ARHGEF3: variants seen among roughly 807,000 people sequenced by gnomAD.
The protein encoded by ARHGEF3 is Rho guanine nucleotide exchange factor 3, also known as 59.8 kDA protein.
In ARHGEF3, 28 loss-of-function variants were observed where a neutral mutation model predicts 63.2. That is an observed-to-expected ratio of 0.44 (90% confidence interval 0.33 to 0.61). The LOEUF (loss-of-function observed/expected upper bound fraction) is 0.61, where lower values mean the gene tolerates loss of function less well. Among genes scored for constraint, ARHGEF3 ranks in the 20% least tolerant of loss-of-function variants. ARHGEF3 has a pLI of 0.03. For synonymous variants in ARHGEF3, 266 were observed against 254.2 expected (o/e 1.05, Z -0.44); for missense variants, 533 against 659.3 (o/e 0.81, Z 2.10).
At chr3:57,014,626 ATTAACAG>A (rs1702899663) in intron 2 of ARHGEF3, among the ~76,000 whole-genome samples, 1 of 152,314 alleles carries the variant, frequency 6.6e-6, no homozygotes, top group Middle Eastern at 3.4e-3. Context: ...CAATAAACAG[ATTAACAG>A]TTAACATAGA....
In ARHGEF3 at chr3:56,943,808, G is replaced by A. The variant is rs898170138; in HGVS notation, c.129+15015C>T. Among the ~76,000 whole-genome samples, 20 of 151,994 alleles carry A rather than the reference G, an allele frequency of 1.3e-4. No individual in the cohort carries two copies. The East Asian group carries it at 2.7e-3, about 21-fold the overall frequency. On this transcript the variant is annotated intron_variant, in intron 3 of 12. Coordinates refer to the ARHGEF3 transcript ENST00000338458. ...TGGGTGCCTGTAATCCCAGCTACTC[G>A]GGAGGCTGAGGCAGGAGAATCACTT... is the stretch of plus-strand genomic sequence containing the variant.
intron 2 of ARHGEF3, 84 bp from the exon 3 acceptor site, chr3:56,755,235 C>T: frequency 7.1e-7 from 1 of 1,412,600 alleles, no homozygotes; most frequent in East Asian, 2.3e-5. Flanking sequence ...GTTGACGGAA[C>T]ATAAATCATA....
At chr3:56,871,224 T>G (rs2040422529) in intron 4 of ARHGEF3, among the ~76,000 whole-genome samples, 1 of 152,192 alleles carries the variant, frequency 6.6e-6, no homozygotes, top group African/African-American at 2.4e-5. Flanking sequence ...AAATATTCAC[T>G]TTATATTTTA....
chr3:57,050,768 G>C (rs567530967), intron 1 of ARHGEF3, among the ~76,000 whole-genome samples: 2 of 152,178 alleles, frequency 1.3e-5, no homozygotes, highest in Non-Finnish European at 2.9e-5. Context: ...GGAGTAACAC[G>C]ATCAACTTCA....
intron 2 of ARHGEF3, among the ~76,000 whole-genome samples, chr3:56,967,082 C>T (rs1414254632): frequency 2.0e-5 from 3 of 148,514 alleles, no homozygotes; most frequent in Admixed American, 6.8e-5. Context: ...AGGTTGGTCT[C>T]GAACTCCCGA....
chr3:57,074,356 CCACCA>C, intron 1 of ARHGEF3: 1 of 1,200,410 alleles, frequency 8.3e-7, no homozygotes, highest in Non-Finnish European at 1.2e-6. Flanking sequence ...TCCCCCACCC[CCACCA>C]GGGGTGACTC....
chr3:56,992,375 TAAA>T (rs57740672), intron 2 of ARHGEF3, among the ~76,000 whole-genome samples: 403 of 45,944 alleles, frequency 8.8e-3, no homozygotes, highest in Non-Finnish European at 0.013. Context: ...AGGATGGCTT[TAAA>T]AAAAAAAAAA....
chr3:56,837,682 A>C (rs1465190634), intron 4 of ARHGEF3, among the ~76,000 whole-genome samples: 18 of 152,240 alleles, frequency 1.2e-4, no homozygotes. Flanking sequence ...ATGAGGTCAC[A>C]ATAAACTGCG....
At chr3:56,931,229 C>G (rs1214464696) in intron 3 of ARHGEF3, among the ~76,000 whole-genome samples, 1 of 152,168 alleles carries the variant, frequency 6.6e-6, no homozygotes, top group Non-Finnish European at 1.5e-5. Context: ...TATAATTACA[C>G]AAGTTCCGTG....
chr3:57,042,193 T>C (rs553205636), intron 1 of ARHGEF3, among the ~76,000 whole-genome samples: 62 of 152,164 alleles, frequency 4.1e-4, no homozygotes, highest in Admixed American at 3.3e-3. Context: ...GGGACTACTA[T>C]GAGGAGACAT....
chr3:56,790,287 T>G (rs962655134), intron 1 of ARHGEF3, among the ~76,000 whole-genome samples: 1 of 152,236 alleles, frequency 6.6e-6, no homozygotes, highest in Admixed American at 6.5e-5. Context: ...ACATGTCTTT[T>G]CTGATGCTCT....
chr3:56,769,231 G>A (rs780363369), intron 2 of ARHGEF3, among the ~76,000 whole-genome samples: 6 of 152,318 alleles, frequency 3.9e-5, no homozygotes, highest in South Asian at 2.1e-4. Context: ...TCCAGTAGCC[G>A]TGAACAGCTG....
chr3:56,747,429 G>T (rs1275620601), intron 6 of ARHGEF3, among the ~76,000 whole-genome samples: 1 of 152,186 alleles, frequency 6.6e-6, no homozygotes, highest in Non-Finnish European at 1.5e-5. Flanking sequence ...ATCTGGTTCA[G>T]TCACCGGCTA....
In ARHGEF3 at chr3:56,897,449, C is replaced by T. The variant is rs186617599; in HGVS notation, c.130-15095G>A. Among the ~76,000 whole-genome samples, 630 of 152,196 alleles carry T rather than the reference C, an allele frequency of 4.1e-3. 3 individuals are homozygous for T. Among genetic ancestry groups the T allele is most frequent in the African/African-American group, 0.014 (588 of 41,514 alleles). On this transcript the variant is annotated intron_variant, in intron 3 of 12. Coordinates refer to the ARHGEF3 transcript ENST00000338458. ...CTGGGCACTAGTTATGTTTTTGCTA[C>T]GGGGGTGCCACTGCTTCTAGGCCCT...
intron 4 of ARHGEF3, among the ~76,000 whole-genome samples, chr3:56,816,380 GAT>G (rs2038271662): frequency 6.6e-6 from 1 of 152,128 alleles, no homozygotes; most frequent in Non-Finnish European, 1.5e-5. Context: ...TAAAAACAAA[GAT>G]ACCTTGCAGC....
intron 1 of ARHGEF3, among the ~76,000 whole-genome samples, chr3:57,065,430 C>A (rs948888500): frequency 1.3e-5 from 2 of 151,714 alleles, no homozygotes; most frequent in Non-Finnish European, 2.9e-5. Context: ...CACTGCACTC[C>A]AGCCTGGGCA....
chr3:57,028,183 C>T (rs1189807334), intron 2 of ARHGEF3, among the ~76,000 whole-genome samples: 6 of 149,948 alleles, frequency 4.0e-5, no homozygotes, highest in Admixed American at 2.7e-4. Context: ...CCAGCCAACC[C>T]GTTACTGGGT....
At chr3:56,786,138 G>A (rs1285262998) in intron 1 of ARHGEF3, among the ~76,000 whole-genome samples, 1 of 152,156 alleles carries the variant, frequency 6.6e-6, no homozygotes, top group African/African-American at 2.4e-5. Context: ...GTGTTTTAGA[G>A]CACTCTGCTC....
chr3:56,901,170 C>T (rs1236018123), intron 3 of ARHGEF3, among the ~76,000 whole-genome samples: 2 of 152,140 alleles, frequency 1.3e-5, no homozygotes, highest in Non-Finnish European at 2.9e-5. Context: ...CAGATTCCAG[C>T]ATAGACCAGT....
Sources: allele counts gnomAD v4.1 joint callset (sites outside exome capture counted in the v4.1 genomes callset), GRCh38; gene constraint gnomAD v4.1.1; transcripts MANE v1.5; gene names NCBI Gene and HGNC (gene_info 2026-07-23, HGNC 2026-07-21).